The following CNTNAP5 variants were observed in gnomAD, a reference collection of about 807,000 sequenced individuals.
CNTNAP5 encodes the protein contactin associated protein family member 5.
CNTNAP5 carries 72 observed loss-of-function variants against 150.2 expected under a neutral mutation model. The ratio of observed to expected loss-of-function variants is 0.48; its 90% CI spans 0.40 to 0.58. The LOEUF (loss-of-function observed/expected upper bound fraction) is 0.58. Among genes scored for constraint, CNTNAP5 ranks in the 20% least tolerant of loss-of-function variants. CNTNAP5 has a pLI of 0.00. For missense variants in CNTNAP5, 1,636 were observed against 1,626.2 expected (o/e 1.01, Z -0.10); for synonymous variants, 672 against 619.8 (o/e 1.08, Z -1.25).
At chr2:124,328,838 A>T (rs1388238404) in intron 3 of CNTNAP5, among the ~76,000 whole-genome samples, 9 of 152,174 alleles carry the variant, frequency 5.9e-5, no homozygotes, top group Admixed American at 5.9e-4. Context: ...GCTGGGGAAA[A>T]GGGTAAGCTT....
chr2:124,262,732 G>C (rs1356297674), intron 3 of CNTNAP5, among the ~76,000 whole-genome samples: 2 of 151,406 alleles, frequency 1.3e-5, no homozygotes, highest in Admixed American at 1.3e-4. Context: ...TATGTGCCAT[G>C]TTGGTGTGCT....
At chr2:124,126,587 C>T (rs190376909) in intron 1 of CNTNAP5, among the ~76,000 whole-genome samples, 31 of 151,750 alleles carry the variant, frequency 2.0e-4, no homozygotes, top group Admixed American at 1.8e-3. Flanking sequence ...GATACCAAAG[C>T]CTGGCAGAGA....
intron 7 of CNTNAP5, among the ~76,000 whole-genome samples, chr2:124,482,311 C>A (rs1693778716): frequency 6.6e-6 from 1 of 152,122 alleles, no homozygotes; most frequent in South Asian, 2.1e-4. Context: ...GTGTAGCAGG[C>A]AGGAGGCAGA....
At chr2:124,366,770 C>CCCT (rs1690382707) in intron 3 of CNTNAP5, among the ~76,000 whole-genome samples, 2 of 152,178 alleles carry the variant, frequency 1.3e-5, no homozygotes, top group African/African-American at 4.8e-5. Context: ...GAGAGCCCTT[C>CCCT]AAATTTGTCC....
Position 124,504,339 on chromosome 2 carries a change from A to G in CNTNAP5, c.1110A>G (p.Thr370=), listed in dbSNP as rs745578447. The change falls in exon 8 of 24, where the codon ACA becomes ACG. Residue 370 remains threonine, a synonymous_variant. Coordinates refer to ENST00000682447, the MANE Select transcript of CNTNAP5 (RefSeq NM_001367498.1). ...SCSEPQIVPI[T]FVNSSGSYLL... ...CCGAACCACAGATTGTGCCCATCAC[A>G]TTTGTCAACTCCAGCGGCAGCTATT... 1.3e-5 allele frequency: 21 copies of G among 1,613,852 alleles called. No individual in the cohort carries two copies. The South Asian group carries it at 2.2e-4, about 17-fold the overall frequency.
At chr2:124,369,660 C>T (rs1690468311) in intron 3 of CNTNAP5, among the ~76,000 whole-genome samples, 1 of 152,056 alleles carries the variant, frequency 6.6e-6, no homozygotes, top group Non-Finnish European at 1.5e-5. Context: ...ATAAAGTGTT[C>T]TTAAAATAAA....
At chr2:124,701,312 T>C (rs1679516353) in intron 13 of CNTNAP5, among the ~76,000 whole-genome samples, 1 of 152,142 alleles carries the variant, frequency 6.6e-6, no homozygotes, top group Non-Finnish European at 1.5e-5. Flanking sequence ...TCACTTACCC[T>C]CGTGTCCTCC....
At chr2:124,033,241 A>T (rs149949730) in intron 1 of CNTNAP5, among the ~76,000 whole-genome samples, 73 of 152,332 alleles carry the variant, frequency 4.8e-4, no homozygotes, top group South Asian at 1.2e-3. Context: ...GATAGAAAGA[A>T]AGTGAAGGGA....
chr2:124,618,383 A>C (rs2104993464), intron 12 of CNTNAP5, among the ~76,000 whole-genome samples: 1 of 152,278 alleles, frequency 6.6e-6, no homozygotes, highest in Admixed American at 6.5e-5. Flanking sequence ...GGCTTGTTCA[A>C]ATTAGGGACT....
intron 8 of CNTNAP5, among the ~76,000 whole-genome samples, chr2:124,509,888 G>A (rs749352106): frequency 6.6e-6 from 1 of 152,170 alleles, no homozygotes; most frequent in Non-Finnish European, 1.5e-5. Flanking sequence ...TAGATTGGAA[G>A]TCTGTTGTCT....
In CNTNAP5 at chr2:124,370,471, G is replaced by A. The variant is rs116099862; in HGVS notation, c.382-46972G>A. Among the ~76,000 whole-genome samples the A allele has an allele frequency of 4.6e-3, 704 of 152,190 alleles. 6 individuals carry two copies. The highest frequency in any genetic ancestry group is 0.016 in the African/African-American group (672 of 41,532). ...ACTAGCCTCTTCTCAGAGTCACATG[G>A]AAGACAAAGAATACTGATGGAAGAA... On this transcript the variant is annotated intron_variant, in intron 3 of 23. Transcript: ENST00000682447.
intron 4 of CNTNAP5, among the ~76,000 whole-genome samples, chr2:124,423,371 C>A (rs1692156382): frequency 6.6e-6 from 1 of 152,034 alleles, no homozygotes; most frequent in Admixed American, 6.6e-5. Context: ...TCTGTATGTC[C>A]AAGGAAGGTC....
At chr2:124,372,356 A>G (rs1690548573) in intron 3 of CNTNAP5, among the ~76,000 whole-genome samples, 1 of 151,992 alleles carries the variant, frequency 6.6e-6, no homozygotes, top group African/African-American at 2.4e-5. Context: ...CAGCTTGCAG[A>G]CCGCCTATGG....
intron 10 of CNTNAP5, among the ~76,000 whole-genome samples, chr2:124,528,505 T>C (rs953562725): frequency 2.6e-5 from 4 of 152,198 alleles, no homozygotes; most frequent in African/African-American, 9.6e-5. Flanking sequence ...CAAAATACTT[T>C]TTTGGCATTT....
At chr2:124,648,280 T>C (rs1432597109) in intron 13 of CNTNAP5, among the ~76,000 whole-genome samples, 1 of 152,006 alleles carries the variant, frequency 6.6e-6, no homozygotes, top group Non-Finnish European at 1.5e-5. Context: ...GAGCTTGACA[T>C]AGAAAGTGTG....
chr2:124,455,088 C>T (rs968726428), intron 6 of CNTNAP5, among the ~76,000 whole-genome samples: 1 of 151,312 alleles, frequency 6.6e-6, no homozygotes, highest in Middle Eastern at 3.4e-3. Context: ...ACGAAAAATA[C>T]AAAAGATAAA....
intron 10 of CNTNAP5, among the ~76,000 whole-genome samples, chr2:124,560,254 T>A (rs187949765): frequency 1.6e-4 from 25 of 152,306 alleles, no homozygotes; most frequent in Admixed American, 1.6e-3. Flanking sequence ...ATGCCTCTAA[T>A]CCCAGCACTT....
At chr2:124,768,734 C>T (rs538492012) in intron 16 of CNTNAP5, among the ~76,000 whole-genome samples, 101 of 152,120 alleles carry the variant, frequency 6.6e-4, no homozygotes, top group African/African-American at 2.3e-3. Context: ...TGCAGCAACC[C>T]CGACTCTGCT....
intron 13 of CNTNAP5, among the ~76,000 whole-genome samples, chr2:124,705,862 C>T (rs1175712043): frequency 6.6e-6 from 1 of 151,974 alleles, no homozygotes; most frequent in Non-Finnish European, 1.5e-5. Context: ...TGTTAAATTT[C>T]AGGTTAACCC....
Sources: gnomAD v4.1 joint callset for allele counts (sites outside exome capture counted in the v4.1 genomes callset) on GRCh38, gnomAD v4.1.1 for gene constraint, MANE v1.5 for transcripts, NCBI Gene and HGNC (gene_info 2026-07-23, HGNC 2026-07-21) for gene names.